The following EIF3H variants were observed in gnomAD, a reference collection of about 807,000 sequenced individuals.
EIF3H encodes the protein eukaryotic translation initiation factor 3 subunit H.
Under a neutral mutation model 44.2 loss-of-function variants are expected in EIF3H, and 26 were observed. The observed-to-expected ratio is 0.59, with a 90% confidence interval of 0.43 to 0.82. The LOEUF (loss-of-function observed/expected upper bound fraction) is 0.82. Ranked by LOEUF, EIF3H falls within the 40% of genes least tolerant of loss-of-function variation. The pLI is 0.00. For missense variants in EIF3H, 359 were observed against 432.8 expected (o/e 0.83, Z 1.51); for synonymous variants, 166 against 151.9 (o/e 1.09, Z -0.68).
At chr8:116,694,700 T>G (rs1051637815) in intron 2 of EIF3H, among the ~76,000 whole-genome samples, 1 of 152,252 alleles carries the variant, frequency 6.6e-6, no homozygotes, top group Non-Finnish European at 1.5e-5. Context: ...TTCACAATTT[T>G]TTTGTTTTAT....
chr8:116,698,581 CAT>C (rs1352206989), intron 2 of EIF3H, among the ~76,000 whole-genome samples: 1 of 152,178 alleles, frequency 6.6e-6, no homozygotes, highest in African/African-American at 2.4e-5. Flanking sequence ...ACAATTAATA[CAT>C]GTTATGCTGT....
intron 2 of EIF3H, among the ~76,000 whole-genome samples, chr8:116,718,632 C>T (rs1422217485): frequency 1.3e-5 from 2 of 148,758 alleles, no homozygotes; most frequent in Non-Finnish European, 3.0e-5. Flanking sequence ...AATGGAAAAC[C>T]GAACATCATA....
intron 1 of EIF3H, among the ~76,000 whole-genome samples, chr8:116,735,815 C>A: frequency 6.7e-6 from 1 of 148,694 alleles, no homozygotes; most frequent in South Asian, 2.1e-4. Flanking sequence ...AAAAAAAAAA[C>A]GTAACACAGC....
chr8:116,680,044 G>C (rs1333759666), intron 2 of EIF3H, among the ~76,000 whole-genome samples: 1 of 29,866 alleles, frequency 3.3e-5, no homozygotes, highest in African/African-American at 1.1e-4. Context: ...GCGGGGGGGG[G>C]GTCGGCCAGC....
Position 116,655,992 on chromosome 8 carries a change from T to A in EIF3H, c.571A>T (p.Asn191Tyr). The A allele has an allele frequency of 6.2e-7, 1 of 1,613,422 alleles. No individual in the cohort carries two copies. Among genetic ancestry groups the A allele is most frequent in the Non-Finnish European group, 8.5e-7 (1 of 1,179,598 alleles). The change falls in exon 5 of 8, where the codon AAT (asparagine) becomes TAT (tyrosine). Residue 191 changes from asparagine (N) to tyrosine (Y), a missense_variant. This residue lies in a region of EIF3H where 85 missense variants were observed against 79.2 expected (regional missense o/e 1.07). Transcript: ENST00000521861. ...DFSPEALKKANITFEYMFEEV... is the reference protein window; with the variant it reads ...DFSPEALKKAYITFEYMFEEV... ...TCAAACATGTACTCAAAGGTGATAT[T>A]TGCTTTTTTCAATCTGTGAAGCATG...
chr8:116,754,646 GC>G (rs1156927712), intron 1 of EIF3H, among the ~76,000 whole-genome samples: 9 of 89,636 alleles, frequency 1.0e-4, no homozygotes, highest in African/African-American at 3.9e-4. Context: ...GGAAAGCAAA[GC>G]CTGGAAAGGC....
intron 2 of EIF3H, among the ~76,000 whole-genome samples, chr8:116,679,315 C>G (rs1586450865): frequency 3.2e-5 from 2 of 62,624 alleles, no homozygotes; most frequent in African/African-American, 7.6e-5. Context: ...GCCCCCCGCC[C>G]GGCCAGCCGC....
chr8:116,730,156 G>A (rs1037386705), intron 1 of EIF3H, among the ~76,000 whole-genome samples: 6 of 152,282 alleles, frequency 3.9e-5, no homozygotes, highest in Admixed American at 6.5e-5. Context: ...TCATGGAAAT[G>A]CCTTACAGTA....
chr8:116,679,134 T>C (rs868528028), intron 2 of EIF3H, among the ~76,000 whole-genome samples: 299 of 7,558 alleles, frequency 0.04, no homozygotes, highest in Non-Finnish European at 0.048. Context: ...GTCAGCCCCC[T>C]GCCCGGCCAG....
intron 1 of EIF3H, among the ~76,000 whole-genome samples, chr8:116,729,888 T>G (rs1229140899): frequency 1.3e-5 from 2 of 152,288 alleles, no homozygotes; most frequent in Non-Finnish European, 1.5e-5. Context: ...GGAAAGAAGA[T>G]TTCAACTCTA....
At chr8:116,702,090 C>T (rs1814386504) in intron 2 of EIF3H, among the ~76,000 whole-genome samples, 1 of 152,108 alleles carries the variant, frequency 6.6e-6, no homozygotes, top group Admixed American at 6.5e-5. Flanking sequence ...CCAGGGTCAG[C>T]ACCAGGGGTT....
chr8:116,647,041 A>G (rs1006274418), intron 6 of EIF3H, among the ~76,000 whole-genome samples: 1 of 152,108 alleles, frequency 6.6e-6, no homozygotes, highest in African/African-American at 2.4e-5. Flanking sequence ...AACAATACAG[A>G]TGATGTTATT....
In EIF3H at chr8:116,680,626, C is replaced by T. The variant is rs1428662256; in HGVS notation, c.290-21646G>A. Reference sequence around the variant, plus strand: ...GCTTTGTTAAACAGATGCTTGAAGGCAGCATGCTCGTTAAGAGTCATCACC... The same window carrying T: ...GCTTTGTTAAACAGATGCTTGAAGGTAGCATGCTCGTTAAGAGTCATCACC... On this transcript the variant is annotated intron_variant, in intron 2 of 7. Coordinates refer to ENST00000521861, the MANE Select transcript of EIF3H (RefSeq NM_003756.3). 4.1e-5 allele frequency among the ~76,000 whole-genome samples: 5 copies of T among 121,678 alleles called. No homozygotes were observed. The Admixed American group carries it at 4.3e-4, about 10-fold the overall frequency. The allele number at this position is 121,678 out of a possible 152,430, so 79.8% of individuals were successfully genotyped here.
intron 1 of EIF3H, among the ~76,000 whole-genome samples, chr8:116,741,211 G>A (rs1350978137): frequency 2.0e-5 from 3 of 151,710 alleles, no homozygotes; most frequent in Non-Finnish European, 4.4e-5. Context: ...TACCCTTATG[G>A]CACAGACACT....
At chr8:116,672,260 G>T (rs1813770239) in intron 2 of EIF3H, among the ~76,000 whole-genome samples, 1 of 152,084 alleles carries the variant, frequency 6.6e-6, no homozygotes, top group Admixed American at 6.5e-5. Context: ...AGAGATAAGT[G>T]GAAAAAGATA....
chr8:116,726,536 C>A (rs971340132), intron 1 of EIF3H, among the ~76,000 whole-genome samples: 1 of 152,186 alleles, frequency 6.6e-6, no homozygotes, highest in Non-Finnish European at 1.5e-5. Flanking sequence ...TTAATAGACA[C>A]ATAAATGACA....
At chr8:116,760,783 T>C (rs1815510861), upstream of EIF3H, among the ~76,000 whole-genome samples, 1 of 152,214 alleles carries the variant, frequency 6.6e-6, no homozygotes, top group African/African-American at 2.4e-5. Context: ...GTTTCTGCCC[T>C]GAGTCCTCCT....
chr8:116,733,992 G>T (rs7013617), intron 1 of EIF3H, among the ~76,000 whole-genome samples: 3 of 152,142 alleles, frequency 2.0e-5, no homozygotes, highest in Non-Finnish European at 4.4e-5. Flanking sequence ...ATGGATAATC[G>T]TATCTGTTCT....
intron 1 of EIF3H, among the ~76,000 whole-genome samples, chr8:116,751,551 T>C (rs1006007591): frequency 6.6e-6 from 1 of 152,248 alleles, no homozygotes; most frequent in Admixed American, 6.5e-5. Flanking sequence ...AGAACAAGTC[T>C]ATAATTCTAT....
Sources: allele counts gnomAD v4.1 joint callset (sites outside exome capture counted in the v4.1 genomes callset), GRCh38; gene constraint gnomAD v4.1.1; regional missense constraint gnomAD v4.1.1; transcripts MANE v1.5; gene names NCBI Gene and HGNC (gene_info 2026-07-23, HGNC 2026-07-21).